MRPL45: variants seen among roughly 807,000 people sequenced by gnomAD.
The protein encoded by MRPL45 is large ribosomal subunit protein mL45.
MRPL45 carries 20 observed loss-of-function variants against 38.1 expected under a neutral mutation model. The observed-to-expected ratio is 0.53, with a 90% confidence interval of 0.37 to 0.76. The LOEUF (loss-of-function observed/expected upper bound fraction) is 0.76. Ranked by LOEUF, MRPL45 falls within the 30% of genes least tolerant of loss-of-function variation. MRPL45 has a pLI of 0.00. For missense variants in MRPL45, 337 were observed against 395.6 expected (o/e 0.85, Z 1.26); for synonymous variants, 105 against 128.8 (o/e 0.82, Z 1.25).
At chr17:38,318,574 T>G (rs2037197386) in intron 4 of MRPL45, 113 bp from the exon 5 acceptor site, 6 of 765,374 alleles carry the variant, frequency 7.8e-6, no homozygotes, top group South Asian at 6.3e-5. Flanking sequence ...ATACTAGATG[T>G]GCCGAAAACA....
intron 7 of MRPL45, 103 bp downstream of exon 7, chr17:38,322,402 C>T (rs1256076682): frequency 2.2e-6 from 2 of 896,990 alleles, no homozygotes; most frequent in East Asian, 1.0e-4. Flanking sequence ...GATGCACCAC[C>T]CAGGAAGGGA....
At chr17:38,307,618 T>G (rs917603437) in intron 4 of MRPL45, among the ~76,000 whole-genome samples, 1 of 151,960 alleles carries the variant, frequency 6.6e-6, no homozygotes, top group Non-Finnish European at 1.5e-5. Context: ...GTGAAGAAAT[T>G]ATAGGCATGA....
At chr17:38,309,954 C>T (rs1308815833) in intron 4 of MRPL45, among the ~76,000 whole-genome samples, 3 of 152,072 alleles carry the variant, frequency 2.0e-5, no homozygotes, top group Non-Finnish European at 4.4e-5. Context: ...GTGTCTTCAG[C>T]TCTTTTCTAT....
chr17:38,312,985 T>TTA (rs1555561929), intron 4 of MRPL45, among the ~76,000 whole-genome samples: 1 of 3,474 alleles, frequency 2.9e-4, no homozygotes, highest in Admixed American at 7.7e-3. Flanking sequence ...TTTTTATTGG[T>TTA]TTTTTTTTTT....
At chr17:38,316,322 A>G (rs1421225282) in intron 4 of MRPL45, among the ~76,000 whole-genome samples, 1 of 152,060 alleles carries the variant, frequency 6.6e-6, no homozygotes, top group Non-Finnish European at 1.5e-5. Context: ...AATTTATTGT[A>G]CTTTTTAGCT....
In MRPL45 at chr17:38,323,077, CTT is replaced by C. The variant is rs2037247618; in HGVS notation, c.*484_*485del. ...ATGAGCCTACTTGTGAGCGATGTGA[CTT>C]TAAGGAAATGAAGACTGGGGAAGAA... On this transcript the variant is annotated 3_prime_UTR_variant, in exon 8 of 8. Coordinates refer to ENST00000613675, the MANE Select transcript of MRPL45 (RefSeq NM_032351.6). The C allele has an allele frequency of 6.4e-6, 1 of 155,426 alleles. No homozygotes were observed. The highest frequency in any genetic ancestry group is 1.9e-4 in the South Asian group (1 of 5,130). The allele number at this position is 155,426 out of a possible 1,614,324, so 9.6% of individuals were successfully genotyped here.
At position 38,315,985 on chromosome 17, in the gene MRPL45, G is replaced by C. The variant is rs146999006; in HGVS notation, c.462-2702G>C. On this transcript the variant is annotated intron_variant, in intron 4 of 7. Coordinates refer to ENST00000613675, the MANE Select transcript of MRPL45 (RefSeq NM_032351.6). ...AGATAGGGTTTCACCCTGTTGACCA[G>C]GCTGGTCTCGAACTCCTGACCTCAG... 5.8e-3 allele frequency among the ~76,000 whole-genome samples: 883 copies of C among 152,148 alleles called. 3 individuals are homozygous for C. The highest frequency in any genetic ancestry group is 0.014 in the Middle Eastern group (4 of 292).
Position 38,314,070 on chromosome 17 carries a change from T to C in MRPL45, c.462-4617T>C, listed in dbSNP as rs149379337. Among the ~76,000 whole-genome samples, 78 of 152,358 alleles carry C rather than the reference T, an allele frequency of 5.1e-4. 1 individual carries two copies. The highest frequency in any genetic ancestry group is 1.9e-3 in the African/African-American group (77 of 41,590). The stretch of plus-strand genomic sequence containing the variant: ...TATCAGATATATGCTGTGCTAATAT[T>C]TCCCCCCATTTTATGGTTTGTCTTT... On this transcript the variant is annotated intron_variant, in intron 4 of 7. Coordinates refer to ENST00000613675, the MANE Select transcript of MRPL45 (RefSeq NM_032351.6).
intron 3 of MRPL45, among the ~76,000 whole-genome samples, chr17:38,306,086 G>A (rs1408326793): frequency 1.3e-5 from 2 of 151,996 alleles, no homozygotes; most frequent in East Asian, 1.9e-4. Flanking sequence ...AGAGGGAGAA[G>A]GTTGAATTTC....
At chr17:38,308,859 CTT>C (rs112353546) in intron 4 of MRPL45, among the ~76,000 whole-genome samples, 1,881 of 145,024 alleles carry the variant, frequency 0.013, 33 homozygotes, top group African/African-American at 0.044. Flanking sequence ...GAGAAATTAA[CTT>C]TTTTTTTTTT....
chr17:38,316,344 G>C (rs2037172767), intron 4 of MRPL45, among the ~76,000 whole-genome samples: 1 of 152,154 alleles, frequency 6.6e-6, no homozygotes, highest in Non-Finnish European at 1.5e-5. Flanking sequence ...CAGAATTTCT[G>C]TTTGGTTCCC....
At position 38,322,073 on chromosome 17, in the gene MRPL45, C is replaced by G. The variant is rs112557170; in HGVS notation, c.661-53C>G. On this transcript the variant is annotated intron_variant, in intron 6 of 7. Transcript: ENST00000613675. ...TTGTATGGCAATAAAACAAACAACT[C>G]ACACTCACACACCAAAAAAACTAAG... is the stretch of plus-strand genomic sequence containing the variant. 4,609 of 1,549,078 alleles carry G rather than the reference C, an allele frequency of 3.0e-3. 98 individuals are homozygous for G. In the African/African-American group the frequency reaches 0.053, roughly 18 times the overall value.
chr17:38,319,709 CAA>C (rs1312474649), intron 5 of MRPL45, among the ~76,000 whole-genome samples: 2 of 152,154 alleles, frequency 1.3e-5, no homozygotes, highest in African/African-American at 4.8e-5. Flanking sequence ...AGGGATTTAA[CAA>C]GAGTTCATGA....
intron 2 of MRPL45, 42 bp from the exon 3 acceptor site, chr17:38,299,309 A>G: frequency 1.5e-6 from 2 of 1,378,004 alleles, no homozygotes; most frequent in South Asian, 1.3e-5. Flanking sequence ...GTTTTTCTCA[A>G]TCTTTCAACA....
chr17:38,317,652 A>G (rs113273025), intron 4 of MRPL45, among the ~76,000 whole-genome samples: 2,600 of 150,594 alleles, frequency 0.017, 83 homozygotes, highest in African/African-American at 0.06. Flanking sequence ...GCTCACCGCA[A>G]CCTCCGCCTC....
chr17:38,305,390 C>T (rs2037041945), intron 3 of MRPL45, among the ~76,000 whole-genome samples: 2 of 144,824 alleles, frequency 1.4e-5, no homozygotes, highest in East Asian at 2.2e-4. Context: ...TTGCTTGAAC[C>T]CAGGAGGCAG....
intron 2 of MRPL45, among the ~76,000 whole-genome samples, chr17:38,298,844 G>T (rs550339393): frequency 5.9e-5 from 9 of 152,148 alleles, no homozygotes; most frequent in African/African-American, 2.2e-4. Context: ...TCCATTTTGT[G>T]GAAGTAGAAA....
chr17:38,320,541 G>A (rs1250699138), intron 5 of MRPL45, 77 bp from the exon 6 acceptor site: 54 of 1,487,396 alleles, frequency 3.6e-5, no homozygotes, highest in Non-Finnish European at 5.0e-5. Flanking sequence ...CTTGCAGGAA[G>A]TGAGAGCAGT....
chr17:38,297,898 A>C (rs1336405330), intron 1 of MRPL45, among the ~76,000 whole-genome samples: 2 of 152,112 alleles, frequency 1.3e-5, no homozygotes, highest in African/African-American at 4.8e-5. Flanking sequence ...AGGAGTTCGA[A>C]ATGAGCCTGG....
Sources: gnomAD v4.1 joint callset for allele counts (sites outside exome capture counted in the v4.1 genomes callset) on GRCh38, gnomAD v4.1.1 for gene constraint, MANE v1.5 for transcripts, NCBI Gene and HGNC (gene_info 2026-07-23, HGNC 2026-07-21) for gene names.